RGS8: variants seen among roughly 807,000 people sequenced by gnomAD.
RGS8 encodes regulator of G-protein signaling 8.
Under a neutral mutation model 21.7 loss-of-function variants are expected in RGS8, and 8 were observed. The observed-to-expected ratio is 0.37, with a 90% confidence interval of 0.22 to 0.66. The LOEUF is 0.66. RGS8 is among the 30% of genes least tolerant of loss of function. The pLI is 0.59. For synonymous variants in RGS8, 80 were observed against 83.6 expected, an observed-to-expected ratio of 0.96 and a Z score of 0.24; for missense variants, 157 against 217.9, an observed-to-expected ratio of 0.72 and a Z score of 1.76.
chr1:182,713,525 C>T, the RGS8 span, among the ~76,000 whole-genome samples: 13 of 152,112 alleles, frequency 8.5e-5, no homozygotes, highest in Middle Eastern at 3.2e-3. Flanking sequence ...TGCACTGGCA[C>T]GGGGGATACC....
At chr1:182,726,294 G>C in the RGS8 span, among the ~76,000 whole-genome samples, 1 of 152,028 alleles carries the variant, frequency 6.6e-6, no homozygotes, top group African/African-American at 2.4e-5. Flanking sequence ...TCCTCTAAGG[G>C]GCCCTGGTTA....
At chr1:182,643,901 C>T (rs1166731299), downstream of RGS8, 4 of 152,336 alleles carry the variant, frequency 2.6e-5, no homozygotes, top group Non-Finnish European at 5.9e-5. Flanking sequence ...ACAGCTCTGC[C>T]TAGACTTGCC....
upstream of RGS8, among the ~76,000 whole-genome samples, chr1:182,685,455 G>A (rs1310465898): frequency 6.6e-6 from 1 of 152,208 alleles, no homozygotes; most frequent in Non-Finnish European, 1.5e-5. Context: ...ACAGTCACCA[G>A]CTCTATTTAC....
At chr1:182,667,530 T>C (rs1002534470) in intron 3 of RGS8, among the ~76,000 whole-genome samples, 8 of 152,194 alleles carry the variant, frequency 5.3e-5, no homozygotes, top group African/African-American at 1.7e-4. Flanking sequence ...ACCCATAGGA[T>C]TGATGCCTGT....
At chr1:182,734,507 G>A in the RGS8 span, 3 of 152,196 alleles carry the variant, frequency 2.0e-5, no homozygotes, top group African/African-American at 7.2e-5. Flanking sequence ...CAAGACGGTT[G>A]TAAACTTCTT....
At chr1:182,707,388 G>A in the RGS8 span, among the ~76,000 whole-genome samples, 1 of 152,128 alleles carries the variant, frequency 6.6e-6, no homozygotes, top group Non-Finnish European at 1.5e-5. Context: ...TAAGAACATT[G>A]GCCATTTGAG....
intron 1 of RGS8, among the ~76,000 whole-genome samples, chr1:182,679,833 C>A (rs1416282412): frequency 6.6e-6 from 1 of 152,050 alleles, no homozygotes; most frequent in Non-Finnish European, 1.5e-5. Context: ...CCACCCGCAC[C>A]CCCTACACAC....
intron 1 of RGS8, among the ~76,000 whole-genome samples, chr1:182,679,943 A>G (rs545006959): frequency 6.1e-4 from 93 of 151,994 alleles, no homozygotes; most frequent in Non-Finnish European, 7.5e-4. Context: ...AATTACAGGC[A>G]ACTCCCTTTC....
chr1:182,668,267 AG>A (rs1663973498), intron 3 of RGS8, among the ~76,000 whole-genome samples: 2 of 152,252 alleles, frequency 1.3e-5, no homozygotes, highest in Non-Finnish European at 2.9e-5. Context: ...GGACAGGTTT[AG>A]TATAATCAAA....
At chr1:182,721,104 T>TAC in the RGS8 span, among the ~76,000 whole-genome samples, 1 of 116,334 alleles carries the variant, frequency 8.6e-6, no homozygotes, top group East Asian at 2.5e-4. Context: ...TGTATATATA[T>TAC]ACATATATAT....
At chr1:182,703,800 G>A in the RGS8 span, among the ~76,000 whole-genome samples, 2 of 152,214 alleles carry the variant, frequency 1.3e-5, no homozygotes, top group Non-Finnish European at 1.5e-5. Context: ...TGACTGGGAA[G>A]TCAGGGAGGG....
chr1:182,646,471 T>A (rs1280709024), exon 7 of RGS8: 14 of 429,636 alleles, frequency 3.3e-5, no homozygotes, highest in Non-Finnish European at 5.8e-5. Context: ...AGGCATTATA[T>A]GAAGGGCAAG....
the RGS8 span, among the ~76,000 whole-genome samples, chr1:182,700,328 A>G: frequency 0.092 from 13,946 of 152,224 alleles, 1,315 homozygotes; most frequent in African/African-American, 0.24. Flanking sequence ...ACTCACCCCA[A>G]CATGACCCCC....
downstream of RGS8, chr1:182,644,214 G>T (rs902373496): frequency 1.3e-5 from 2 of 152,232 alleles, no homozygotes; most frequent in Admixed American, 1.3e-4. Context: ...GTGCCTGAAA[G>T]TAGGCATCAG....
chr1:182,666,528 C>T (rs1663868692), intron 4 of RGS8, among the ~76,000 whole-genome samples: 1 of 151,994 alleles, frequency 6.6e-6, no homozygotes, highest in South Asian at 2.1e-4. Context: ...TGAATCTAAG[C>T]ATATTTTTAG....
chr1:182,741,192 C>T, the RGS8 span, among the ~76,000 whole-genome samples: 3 of 140,472 alleles, frequency 2.1e-5, no homozygotes, highest in East Asian at 4.4e-4. Flanking sequence ...GGCTGACCCC[C>T]CCACCTCCCT....
chr1:182,670,758 G>T (rs974944714), intron 2 of RGS8, among the ~76,000 whole-genome samples: 4 of 152,062 alleles, frequency 2.6e-5, no homozygotes, highest in African/African-American at 9.7e-5. Context: ...AGATTGCTTT[G>T]TTAAAACTAG....
chr1:182,674,038 T>C (rs1664277317), upstream of RGS8, among the ~76,000 whole-genome samples: 2 of 152,244 alleles, frequency 1.3e-5, no homozygotes, highest in Admixed American at 6.5e-5. Flanking sequence ...CATTTAAAAG[T>C]GGCAGAGCTG....
At chr1:182,737,751 T>C in the RGS8 span, among the ~76,000 whole-genome samples, 9 of 152,010 alleles carry the variant, frequency 5.9e-5, no homozygotes, top group Non-Finnish European at 1.2e-4. Flanking sequence ...CATTCACAGA[T>C]CCAGAGAATA....
Sources: gnomAD v4.1 joint callset for allele counts (sites outside exome capture counted in the v4.1 genomes callset) on GRCh38, gnomAD v4.1.1 for gene constraint, MANE v1.5 for transcripts, NCBI Gene and HGNC (gene_info 2026-07-23, HGNC 2026-07-21) for gene names.